LARGE1: variants seen among roughly 807,000 people sequenced by gnomAD.
LARGE1 encodes the protein LARGE xylosyl- and glucuronyltransferase 1, also known as xylosyl- and glucuronyltransferase LARGE1.
A neutral mutation model predicts 87.6 loss-of-function variants in LARGE1; 43 were observed. The ratio of observed to expected loss-of-function variants is 0.49; its 90% CI spans 0.38 to 0.63. The LOEUF (loss-of-function observed/expected upper bound fraction) is 0.63, where lower values mean the gene tolerates loss of function less well. LARGE1 is among the 30% of genes least tolerant of loss of function. LARGE1 has a pLI of 0.00. For synonymous variants in LARGE1, 434 were observed against 394.6 expected (o/e 1.10, Z -1.18); for missense variants, 802 against 1,000.2 (o/e 0.80, Z 2.67).
intron 2 of LARGE1, among the ~76,000 whole-genome samples, chr22:33,669,769 G>A (rs2081359079): frequency 6.6e-6 from 1 of 152,176 alleles, no homozygotes; most frequent in African/African-American, 2.4e-5. Flanking sequence ...CCAGGAGTCT[G>A]AGCCATCAGG....
chr22:33,519,533 C>T (rs963716555), intron 6 of LARGE1, among the ~76,000 whole-genome samples: 1 of 152,060 alleles, frequency 6.6e-6, no homozygotes, highest in Admixed American at 6.6e-5. Context: ...CCGAAGACAC[C>T]CAGGTTCCCT....
At chr22:33,266,459 G>T (rs1248443144) in intron 11 of LARGE1, among the ~76,000 whole-genome samples, 1 of 151,498 alleles carries the variant, frequency 6.6e-6, no homozygotes, top group Admixed American at 6.6e-5. Context: ...CCTGACCTCA[G>T]CTGGTCTGCC....
rs117838491 is a variant in LARGE1 at position 33,576,142 on chromosome 22, G to A, written c.616-11123C>T. ...TTTAGAAGCTGCAATTCTTATTACCGTGCACAGTATGTATTTATGTATGTA... is the reference window on the plus strand; with the variant it reads ...TTTAGAAGCTGCAATTCTTATTACCATGCACAGTATGTATTTATGTATGTA... On this transcript the variant is annotated intron_variant, in intron 5 of 14. Coordinates refer to ENST00000397394, the MANE Select transcript of LARGE1 (RefSeq NM_133642.5). Among the ~76,000 whole-genome samples the A allele has an allele frequency of 5.0e-4, 76 of 152,226 alleles. No individual in the cohort carries two copies. The East Asian group carries it at 6.4e-3, about 13-fold the overall frequency.
At chr22:33,813,910 T>C (rs1021983123) in intron 1 of LARGE1, among the ~76,000 whole-genome samples, 1 of 152,196 alleles carries the variant, frequency 6.6e-6, no homozygotes, top group Non-Finnish European at 1.5e-5. Context: ...GAAACAATTA[T>C]TTACTGAGTG....
At chr22:33,375,517 T>C (rs1489931119) in intron 9 of LARGE1, among the ~76,000 whole-genome samples, 3 of 152,118 alleles carry the variant, frequency 2.0e-5, no homozygotes, top group African/African-American at 7.2e-5. Flanking sequence ...TCTCTCTCTA[T>C]AGCAGGATAC....
At chr22:33,654,601 G>T (rs988761872) in intron 2 of LARGE1, among the ~76,000 whole-genome samples, 3 of 152,142 alleles carry the variant, frequency 2.0e-5, no homozygotes, top group African/African-American at 7.2e-5. Flanking sequence ...CTCTCTGGGA[G>T]CACAAGCAGG....
At chr22:33,847,163 A>G (rs961498033) in intron 1 of LARGE1, among the ~76,000 whole-genome samples, 1 of 152,120 alleles carries the variant, frequency 6.6e-6, no homozygotes, top group African/African-American at 2.4e-5. Flanking sequence ...TTATTTCTCA[A>G]GCCAGCCGAC....
At chr22:33,307,710 T>A (rs764091542) in intron 11 of LARGE1, among the ~76,000 whole-genome samples, 28 of 152,094 alleles carry the variant, frequency 1.8e-4, no homozygotes, top group Non-Finnish European at 3.4e-4. Flanking sequence ...CAGAGTTTGA[T>A]TAGGGAGGTG....
intron 9 of LARGE1, among the ~76,000 whole-genome samples, chr22:33,354,785 T>C (rs1940736274): frequency 6.6e-6 from 1 of 152,248 alleles, no homozygotes; most frequent in South Asian, 2.1e-4. Context: ...GGATCCTTTT[T>C]GCAGTCATAG....
chr22:33,543,494 G>A (rs1458953005), intron 6 of LARGE1, among the ~76,000 whole-genome samples: 2 of 152,152 alleles, frequency 1.3e-5, no homozygotes, highest in African/African-American at 4.8e-5. Context: ...AGGCTATGGG[G>A]GTAAAGGCCC....
chr22:33,706,249 A>T (rs1187486149), intron 2 of LARGE1, among the ~76,000 whole-genome samples: 1 of 152,186 alleles, frequency 6.6e-6, no homozygotes, highest in Non-Finnish European at 1.5e-5. Context: ...GCTGCTTCCC[A>T]TTATAGCAAA....
At chr22:33,560,656 C>T (rs967279248) in intron 6 of LARGE1, among the ~76,000 whole-genome samples, 1 of 152,090 alleles carries the variant, frequency 6.6e-6, no homozygotes, top group African/African-American at 2.4e-5. Flanking sequence ...CAAGGTGACA[C>T]GTACTCAGCA....
chr22:33,186,856 G>C (rs559026129), intron 11 of LARGE1, among the ~76,000 whole-genome samples: 1 of 152,106 alleles, frequency 6.6e-6, no homozygotes, highest in East Asian at 1.9e-4. Context: ...ATAAAATTTT[G>C]AAAATTAATT....
intron 6 of LARGE1, among the ~76,000 whole-genome samples, chr22:33,519,235 CGTGTGTGT>C (rs3071590): frequency 3.3e-5 from 5 of 149,544 alleles, no homozygotes; most frequent in Non-Finnish European, 5.9e-5. Context: ...CGTGCGCGCG[CGTGTGTGT>C]GTGTGTGTGT....
At chr22:33,897,320 C>T (rs890560153) in intron 1 of LARGE1, among the ~76,000 whole-genome samples, 3 of 152,150 alleles carry the variant, frequency 2.0e-5, no homozygotes, top group Non-Finnish European at 4.4e-5. Flanking sequence ...TTTTTGCTCA[C>T]CCAAAAAGCT....
chr22:33,115,982 C>T, the LARGE1 span, among the ~76,000 whole-genome samples: 9 of 152,074 alleles, frequency 5.9e-5, no homozygotes, highest in African/African-American at 1.4e-4. Context: ...GAACTGTGAG[C>T]GAACAAACTT....
At position 33,273,613 on chromosome 22, in the gene LARGE1, A is replaced by C. The variant is rs1178539840; in HGVS notation, c.*814T>G. On this transcript the variant is annotated 3_prime_UTR_variant, in exon 15 of 15. Transcript: ENST00000397394. ...CTGGATTCTGGAGAGTAGGGAGTTC[A>C]AAGTCACGGGAGCCTCGGTGATCAT... 15 of 398,714 alleles carry C rather than the reference A, an allele frequency of 3.8e-5. No homozygotes were observed. The highest frequency in any genetic ancestry group is 3.5e-5 in the Non-Finnish European group (8 of 226,294). The allele number at this position is 398,714 out of a possible 1,614,324, so 24.7% of individuals were successfully genotyped here.
chr22:33,183,624 A>G lies in LARGE1; in HGVS notation c.1731-16792T>C, dbSNP rs111756185. Among the ~76,000 whole-genome samples, 1,294 of 102,510 alleles carry G rather than the reference A, an allele frequency of 0.013. 54 individuals carry two copies. The South Asian group carries it at 0.15, about 12-fold the overall frequency. The allele number at this position is 102,510 out of a possible 152,430, so 67.3% of individuals were successfully genotyped here. A position where few individuals can be genotyped will look rare whatever the true frequency, so the allele number is the denominator to read the frequency against. On this transcript the variant is annotated intron_variant, in intron 11 of 11. Coordinates refer to the LARGE1 transcript ENST00000608642. The stretch of plus-strand genomic sequence containing the variant: ...AAAACACACACACACACACACGCAC[A>G]CACACACACACACACACACACACAC...
intron 7 of LARGE1, among the ~76,000 whole-genome samples, chr22:33,413,139 C>G (rs1186117797): frequency 6.6e-6 from 1 of 151,586 alleles, no homozygotes; most frequent in Admixed American, 6.6e-5. Flanking sequence ...AAAAAATAGT[C>G]TAAAATAAAA....
Sources: gnomAD v4.1 joint callset for allele counts (sites outside exome capture counted in the v4.1 genomes callset) on GRCh38, gnomAD v4.1.1 for gene constraint, MANE v1.5 for transcripts, NCBI Gene and HGNC (gene_info 2026-07-23, HGNC 2026-07-21) for gene names.